The following LINGO2 variants were observed in gnomAD, a reference collection of about 807,000 sequenced individuals.
LINGO2 encodes leucine-rich repeat and immunoglobulin-like domain-containing nogo receptor-interacting protein 2.
Under a neutral mutation model 30.6 loss-of-function variants are expected in LINGO2, and 14 were observed. That is an observed-to-expected ratio of 0.46 (90% CI 0.30 to 0.72). The LOEUF (loss-of-function observed/expected upper bound fraction) is 0.72. Among genes scored for constraint, LINGO2 ranks in the 30% least tolerant of loss-of-function variants. The pLI is 0.07. For missense variants in LINGO2, 729 were observed against 751.7 expected (o/e 0.97, Z 0.35); for synonymous variants, 317 against 288.5 (o/e 1.10, Z -1.00).
At chr9:28,973,985 G>C in the LINGO2 span, among the ~76,000 whole-genome samples, 1 of 152,128 alleles carries the variant, frequency 6.6e-6, no homozygotes, top group Admixed American at 6.5e-5. Context: ...AAGTACACAA[G>C]ACACACAAAA....
the LINGO2 span, among the ~76,000 whole-genome samples, chr9:28,959,101 T>C: frequency 6.6e-6 from 1 of 152,106 alleles, no homozygotes; most frequent in African/African-American, 2.4e-5. Flanking sequence ...CTGCATGTAC[T>C]GCTCATGTTT....
At chr9:28,682,430 T>A in the LINGO2 span, among the ~76,000 whole-genome samples, 1 of 152,146 alleles carries the variant, frequency 6.6e-6, no homozygotes, top group African/African-American at 2.4e-5. Context: ...ATAACCAAAG[T>A]CTTGATTCAT....
intron 1 of LINGO2, among the ~76,000 whole-genome samples, chr9:28,638,190 A>T (rs147621489): frequency 6.6e-6 from 1 of 152,038 alleles, no homozygotes; most frequent in Non-Finnish European, 1.5e-5. Flanking sequence ...TATGGTGGAT[A>T]AGTTTTGATG....
At chr9:28,106,222 T>C (rs555505830) in intron 4 of LINGO2, among the ~76,000 whole-genome samples, 21 of 152,064 alleles carry the variant, frequency 1.4e-4, no homozygotes, top group Admixed American at 2.6e-4. Context: ...GCCAAAAAGA[T>C]TGGGGACTGC....
At chr9:28,887,805 T>G in the LINGO2 span, among the ~76,000 whole-genome samples, 63 of 152,234 alleles carry the variant, frequency 4.1e-4, no homozygotes, top group Non-Finnish European at 5.3e-4. Flanking sequence ...ATGCTTTCAA[T>G]CGATTTAATA....
chr9:28,421,892 C>T (rs547225289), intron 2 of LINGO2, among the ~76,000 whole-genome samples: 1 of 152,114 alleles, frequency 6.6e-6, no homozygotes, highest in East Asian at 1.9e-4. Context: ...ACAAGAGCGA[C>T]AAGACCATTC....
chr9:28,912,094 AC>A, the LINGO2 span, among the ~76,000 whole-genome samples: 2,037 of 152,302 alleles, frequency 0.013, 29 homozygotes, highest in African/African-American at 0.046. Flanking sequence ...CGGCCTGGCA[AC>A]ATGGCTTAAT....
chr9:28,773,320 G>A, the LINGO2 span, among the ~76,000 whole-genome samples: 1,358 of 150,318 alleles, frequency 9.0e-3, 22 homozygotes, highest in African/African-American at 0.032. Flanking sequence ...AGCTGAGATC[G>A]TGCCACTGCA....
chr9:28,350,856 C>T (rs913648339), intron 3 of LINGO2, among the ~76,000 whole-genome samples: 17 of 151,658 alleles, frequency 1.1e-4, no homozygotes, highest in African/African-American at 3.6e-4. Context: ...CACTCAAAAC[C>T]GCTCAAATAC....
intron 2 of LINGO2, among the ~76,000 whole-genome samples, chr9:28,388,043 G>A (rs1331722596): frequency 6.6e-6 from 1 of 152,142 alleles, no homozygotes; most frequent in African/African-American, 2.4e-5. Flanking sequence ...ACTGAGATCA[G>A]CCATTACTCC....
intron 1 of LINGO2, among the ~76,000 whole-genome samples, chr9:28,506,515 T>TATATATAG (rs1554729666): frequency 3.0e-5 from 3 of 100,600 alleles, no homozygotes; most frequent in African/African-American, 7.4e-5. Context: ...CATATATATA[T>TATATATAG]ATATATAAAC....
the LINGO2 span, among the ~76,000 whole-genome samples, chr9:28,849,999 T>G: frequency 3.9e-5 from 6 of 152,088 alleles, no homozygotes; most frequent in African/African-American, 1.4e-4. Flanking sequence ...GCCCATGGTC[T>G]TAATTTAGTA....
intron 4 of LINGO2, among the ~76,000 whole-genome samples, chr9:28,179,814 C>A (rs187695698): frequency 6.6e-6 from 1 of 151,322 alleles, no homozygotes; most frequent in Admixed American, 6.6e-5. Flanking sequence ...CTCTTTCTCA[C>A]TTTTTTCCTC....
chr9:28,097,557 C>T (rs867918446), intron 4 of LINGO2, among the ~76,000 whole-genome samples: 3 of 141,488 alleles, frequency 2.1e-5, no homozygotes, highest in East Asian at 2.1e-4. Context: ...AAATTGGAAA[C>T]CATCATTCTC....
At chr9:29,166,388 T>G in the LINGO2 span, among the ~76,000 whole-genome samples, 1 of 152,042 alleles carries the variant, frequency 6.6e-6, no homozygotes, top group Non-Finnish European at 1.5e-5. Context: ...CATAGAGGTA[T>G]ATAGAGAGAA....
chr9:28,489,223 G>C (rs915106533), intron 1 of LINGO2, among the ~76,000 whole-genome samples: 1 of 152,114 alleles, frequency 6.6e-6, no homozygotes, highest in Non-Finnish European at 1.5e-5. Flanking sequence ...GGAGGTGAGA[G>C]TAGCTTTTCT....
the LINGO2 span, among the ~76,000 whole-genome samples, chr9:28,921,490 T>A: frequency 6.6e-6 from 1 of 152,166 alleles, no homozygotes; most frequent in Non-Finnish European, 1.5e-5. Context: ...AACTACTTGA[T>A]TAGAAAAAGG....
chr9:28,482,413 A>C (rs1006968402), intron 1 of LINGO2, among the ~76,000 whole-genome samples: 1 of 152,088 alleles, frequency 6.6e-6, no homozygotes, highest in South Asian at 2.1e-4. Flanking sequence ...CTGGCTGCAT[A>C]AATGTCTTCT....
chr9:28,203,132 G>A (rs553783346), intron 4 of LINGO2, among the ~76,000 whole-genome samples: 33 of 152,206 alleles, frequency 2.2e-4, no homozygotes, highest in African/African-American at 7.7e-4. Flanking sequence ...ATTTAACATA[G>A]CAATATGCAG....
Sources: gnomAD v4.1 joint callset for allele counts (sites outside exome capture counted in the v4.1 genomes callset) on GRCh38, gnomAD v4.1.1 for gene constraint, MANE v1.5 for transcripts, NCBI Gene and HGNC (gene_info 2026-07-23, HGNC 2026-07-21) for gene names.